KLF8: variants seen among roughly 807,000 people sequenced by gnomAD.
KLF8 encodes KLF transcription factor 8.
Under a neutral mutation model 18.2 loss-of-function variants are expected in KLF8, and 10 were observed. That is an observed-to-expected ratio of 0.55 (90% confidence interval 0.34 to 0.93). The LOEUF is 0.93. Ranked by LOEUF, KLF8 falls within the 40% of genes least tolerant of loss-of-function variation. The pLI is 0.02. For synonymous variants in KLF8, 109 were observed against 97.3 expected (o/e 1.12, Z -0.71); for missense variants, 264 against 277.9 (o/e 0.95, Z 0.36).
intron 1 of KLF8, among the ~76,000 whole-genome samples, chrX:56,240,115 C>T (rs1446146070): frequency 8.9e-6 from 1 of 112,186 alleles, no homozygotes; most frequent in African/African-American, 3.2e-5. Flanking sequence ...ATATACATAA[C>T]AGTTGGTGCT....
chrX:56,221,839 G>A, the KLF8 span, among the ~76,000 whole-genome samples: 18 of 111,692 alleles, frequency 1.6e-4, no homozygotes, highest in African/African-American at 4.6e-4. Context: ...GAAGGGGACC[G>A]GAGGGGGTTG....
chrX:56,075,555 A>T, the KLF8 span, among the ~76,000 whole-genome samples: 1 of 111,638 alleles, frequency 9.0e-6, no homozygotes, highest in Admixed American at 9.5e-5. Context: ...TAAAATATAC[A>T]ATGTAATTAT....
the KLF8 span, among the ~76,000 whole-genome samples, chrX:56,104,075 G>T: frequency 1.8e-5 from 2 of 111,935 alleles, no homozygotes; most frequent in Non-Finnish European, 1.9e-5. Context: ...CTTGATCATA[G>T]TGGATAAGCT....
In KLF8 at chrX:56,270,185, A is replaced by T. The variant is rs1602457500; in HGVS notation, c.762A>T (p.Pro254=). 3.3e-6 allele frequency: 4 copies of T among 1,208,804 alleles called. No individual in the cohort carries two copies. The East Asian group carries it at 1.2e-4, about 36-fold the overall frequency. Residue 254 remains proline, a synonymous_variant, in exon 5 of 6, where the codon CCA becomes CCT. Transcript: ENST00000468660. ...TTATCTCTATTTCTTTGATCAGACC[A>T]GCAGCAATGGCCCAAATGCAGGGAG... The part of the protein sequence containing the change: ...LQSLQGLQQE[P]AAMAQMQGEE...
intron 1 of KLF8, among the ~76,000 whole-genome samples, chrX:56,247,217 T>C (rs1015204334): frequency 7.1e-5 from 8 of 111,952 alleles, no homozygotes; most frequent in Non-Finnish European, 1.3e-4. Flanking sequence ...CTGGACACTG[T>C]AGGCAGTTGT....
chrX:56,101,153 G>C, the KLF8 span, among the ~76,000 whole-genome samples: 3 of 111,423 alleles, frequency 2.7e-5, no homozygotes, highest in Middle Eastern at 4.6e-3. Flanking sequence ...TCCAGTGTCT[G>C]TTGTTCCCAT....
At chrX:56,063,935 G>C in the KLF8 span, among the ~76,000 whole-genome samples, 1 of 109,228 alleles carries the variant, frequency 9.2e-6, no homozygotes, top group South Asian at 3.9e-4. Flanking sequence ...AATAATGGTG[G>C]ATACTATCCT....
the KLF8 span, among the ~76,000 whole-genome samples, chrX:56,021,633 A>AT: frequency 9.3e-6 from 1 of 107,304 alleles, no homozygotes; most frequent in Non-Finnish European, 1.9e-5. Flanking sequence ...TTCCCATTGA[A>AT]TTTTTTTGAA....
the KLF8 span, among the ~76,000 whole-genome samples, chrX:56,040,800 CTTTTTTTTTTTTTTTTTTTTTTTT>C: frequency 6.6e-4 from 4 of 6,027 alleles, no homozygotes; most frequent in Non-Finnish European, 1.9e-3. Flanking sequence ...ATGATACCAG[CTTTTTTTTTTTTTTTTTTTTTTTT>C]TTTTTTTTTT....
chrX:56,149,438 G>T, the KLF8 span, among the ~76,000 whole-genome samples: 2 of 110,501 alleles, frequency 1.8e-5, no homozygotes, highest in Non-Finnish European at 3.8e-5. Flanking sequence ...CTAGAAAGTG[G>T]AGGGGGGAGT....
At chrX:56,190,918 CA>C in the KLF8 span, among the ~76,000 whole-genome samples, 3 of 110,643 alleles carry the variant, frequency 2.7e-5, no homozygotes, top group East Asian at 8.5e-4. Context: ...ACTAGAAGAG[CA>C]AGAGCAAACA....
chrX:55,982,431 C>A, the KLF8 span, among the ~76,000 whole-genome samples: 3 of 111,944 alleles, frequency 2.7e-5, no homozygotes, highest in East Asian at 8.4e-4. Flanking sequence ...TCTCCACTGC[C>A]TCTTTCCTAG....
chrX:56,230,279 TTCACAC>T (rs1412680139), upstream of KLF8, among the ~76,000 whole-genome samples: 403 of 112,441 alleles, frequency 3.6e-3, 2 homozygotes, highest in Non-Finnish European at 6.7e-3. Context: ...CTTAATGTCT[TTCACAC>T]ACTTGAATCT....
the KLF8 span, among the ~76,000 whole-genome samples, chrX:56,081,975 C>T: frequency 9.0e-6 from 1 of 111,332 alleles, no homozygotes; most frequent in Non-Finnish European, 1.9e-5. Flanking sequence ...TAGGATAAAT[C>T]AGGATTTTTT....
At chrX:55,940,822 G>A in the KLF8 span, among the ~76,000 whole-genome samples, 3 of 111,649 alleles carry the variant, frequency 2.7e-5, no homozygotes, top group South Asian at 1.1e-3. Flanking sequence ...TGCAAGGGAT[G>A]TGAAGGACCT....
chrX:56,270,381 C>CACACACACACACGA (rs1355621837), intron 5 of KLF8, 60 bp downstream of exon 5: 2 of 778,130 alleles, frequency 2.6e-6, no homozygotes, highest in African/African-American at 1.1e-4. Context: ...CACACACACA[C>CACACACACACACGA]GAGAGAGAGA....
chrX:56,015,102 A>G, the KLF8 span: 8 of 110,907 alleles, frequency 7.2e-5, no homozygotes, highest in African/African-American at 9.9e-5. Flanking sequence ...GCACATGTTT[A>G]CTAATGTAAC....
chrX:56,172,514 AT>A, the KLF8 span, among the ~76,000 whole-genome samples: 1 of 111,887 alleles, frequency 8.9e-6, no homozygotes, highest in African/African-American at 3.3e-5. Context: ...ATTGTTAGAC[AT>A]TTGGGTTGGT....
At position 56,288,744 on chromosome X, in the gene KLF8, C is replaced by T. The variant is rs931093520; in HGVS notation, c.*4250C>T. Among the ~76,000 whole-genome samples the T allele has an allele frequency of 1.8e-5, 2 of 112,471 alleles. No homozygotes were observed. Among genetic ancestry groups the T allele is most frequent in the African/African-American group, 6.5e-5 (2 of 30,978 alleles). ...AGCACATGCTGTTGGAAAAATGGTGCCAATAGACTTGTTGGTCACAGGGTT... is the reference window on the plus strand; with the variant it reads ...AGCACATGCTGTTGGAAAAATGGTGTCAATAGACTTGTTGGTCACAGGGTT... On this transcript the variant is annotated 3_prime_UTR_variant, in exon 6 of 6. Coordinates refer to ENST00000468660, the MANE Select transcript of KLF8 (RefSeq NM_007250.5).
Sources: allele counts gnomAD v4.1 joint callset (sites outside exome capture counted in the v4.1 genomes callset), GRCh38; gene constraint gnomAD v4.1.1; transcripts MANE v1.5; gene names NCBI Gene and HGNC (gene_info 2026-07-23, HGNC 2026-07-21).